Variants in ZNF568 observed in about 807,000 individuals in gnomAD.
ZNF568 encodes p53 inhibitor of SCO2 activation.
In ZNF568, 11 loss-of-function variants were observed where a neutral mutation model predicts 18.1. That is an observed-to-expected ratio of 0.61 (90% CI 0.38 to 1.00). The LOEUF is 1.00. Among genes scored for constraint, ZNF568 ranks in the 50% least tolerant of loss-of-function variants. The probability of loss-of-function intolerance (pLI) is 0.01; values close to 1 mark genes in which losing one functional copy is unlikely to be tolerated. For missense variants in ZNF568, 639 were observed against 768.2 expected, an observed-to-expected ratio of 0.83 and a Z score of 1.99; for synonymous variants, 213 against 246.6, an observed-to-expected ratio of 0.86 and a Z score of 1.28.
At position 36,995,392 on chromosome 19, in the gene ZNF568, G is replaced by C. The variant is rs541812479; in HGVS notation, c.230-925G>C. On this transcript the variant is annotated intron_variant, in intron 4 of 4. Coordinates refer to the ZNF568 transcript ENST00000433993. ...CCAGCCTGGGTGCCAGAGTGAGACTGTGTCTCAAAAACAAACAAACAAGCA... is the reference window on the plus strand; with the variant it reads ...CCAGCCTGGGTGCCAGAGTGAGACTCTGTCTCAAAAACAAACAAACAAGCA... Among the ~76,000 whole-genome samples, 3 of 152,236 alleles carry C rather than the reference G, an allele frequency of 2.0e-5. No homozygotes were observed. The East Asian group carries it at 5.8e-4, about 29-fold the overall frequency.
intron 6 of ZNF568, among the ~76,000 whole-genome samples, chr19:36,945,896 A>G (rs929351432): frequency 3.3e-5 from 5 of 151,908 alleles, no homozygotes; most frequent in Non-Finnish European, 5.9e-5. Context: ...GATAAAGACC[A>G]TCCTGGCCAA....
intron 6 of ZNF568, among the ~76,000 whole-genome samples, chr19:36,960,338 G>A (rs186149592): frequency 6.6e-6 from 1 of 151,520 alleles, no homozygotes; most frequent in South Asian, 2.1e-4. Flanking sequence ...GGCTGGTCTC[G>A]AACTCCTGAC....
rs2074066280 is a variant in ZNF568, at chr19:36,951,936, A to C, written c.*848A>C. The C allele has an allele frequency of 1.0e-6, 1 of 984,516 alleles. No homozygotes were observed. Among genetic ancestry groups the C allele is most frequent in the Non-Finnish European group, 1.2e-6 (1 of 829,776 alleles). The allele number at this position is 984,516 out of a possible 1,614,324, so 61.0% of individuals were successfully genotyped here. On this transcript the variant is annotated 3_prime_UTR_variant, in exon 7 of 7. Transcript: ENST00000333987. ...TTGAGCCACTGCACCTGGCCAAAAA[A>C]TTAACATTCTAAAGGATTTAAATAC...
chr19:36,942,516 G>A (rs1318515348), intron 6 of ZNF568, among the ~76,000 whole-genome samples: 2 of 147,704 alleles, frequency 1.4e-5, no homozygotes, highest in Admixed American at 6.8e-5. Flanking sequence ...GGAGAATGGC[G>A]TGAACCCAGG....
intron 5 of ZNF568, 48 bp from the exon 6 acceptor site, chr19:36,937,099 G>T (rs1186291250): frequency 6.3e-6 from 10 of 1,577,702 alleles, no homozygotes; most frequent in Non-Finnish European, 6.9e-6. Context: ...GATCTGAATG[G>T]TTGTCTCCAG....
intron 6 of ZNF568, among the ~76,000 whole-genome samples, chr19:36,968,056 T>A (rs954022728): frequency 6.6e-6 from 1 of 152,164 alleles, no homozygotes; most frequent in Non-Finnish European, 1.5e-5. Context: ...CCATAAAATA[T>A]CTAAGATGTC....
At chr19:36,918,092 ACGCGCCACCACGC>A (rs1261249456) in intron 2 of ZNF568, among the ~76,000 whole-genome samples, 2 of 152,076 alleles carry the variant, frequency 1.3e-5, no homozygotes, top group East Asian at 3.9e-4. Context: ...GGGACTACAG[ACGCGCCACCACGC>A]CCGGCTGATT....
At chr19:36,996,226 ACT>A (rs2074469880) in intron 4 of ZNF568, 5 of 1,032,336 alleles carry the variant, frequency 4.8e-6, no homozygotes, top group Non-Finnish European at 6.8e-6. Context: ...TTGCTTATTA[ACT>A]ATTTTTATTT....
At chr19:36,923,851 T>A (rs1398583037) in intron 3 of ZNF568, among the ~76,000 whole-genome samples, 1 of 152,026 alleles carries the variant, frequency 6.6e-6, no homozygotes, top group Non-Finnish European at 1.5e-5. Flanking sequence ...TTCCCCACCC[T>A]CCTCCCACCT....
downstream of ZNF568, among the ~76,000 whole-genome samples, chr19:36,955,084 G>A (rs1321006351): frequency 1.3e-5 from 2 of 151,912 alleles, no homozygotes; most frequent in African/African-American, 4.8e-5. Context: ...TCACTACGTA[G>A]GTCAAGCTGG....
intron 6 of ZNF568, among the ~76,000 whole-genome samples, chr19:36,961,880 G>GTTT (rs11403152): frequency 3.4e-4 from 46 of 135,048 alleles, no homozygotes; most frequent in East Asian, 1.1e-3. Flanking sequence ...TGGTTAGGGT[G>GTTT]TTTTTTTTTT....
Position 36,991,617 on chromosome 19 carries a change from G to A in ZNF568, c.134-134G>A, listed in dbSNP as rs1011208884. 3.3e-5 allele frequency: 23 copies of A among 702,022 alleles called. No individual in the cohort carries two copies. In the African/African-American group the frequency reaches 3.9e-4, roughly 12 times the overall value. The allele number at this position is 702,022 out of a possible 1,614,324, so 43.5% of individuals were successfully genotyped here. On this transcript the variant is annotated intron_variant, in intron 3 of 4. Transcript: ENST00000433993. The stretch of plus-strand genomic sequence containing the variant: ...ATTAGACAAGAAAGGAATTAATGTT[G>A]ATTTATTGTGGTGCTCTGACCCTCA...
chr19:36,949,215 C>G lies in ZNF568; in HGVS notation c.359-297C>G, dbSNP rs553344093. On this transcript the variant is annotated intron_variant, in intron 6 of 6. Coordinates refer to ENST00000333987, the MANE Select transcript of ZNF568 (RefSeq NM_198539.4). ...CCCTATCAGTCATTTTTGTGTTCAC[C>G]CTTTCATTTTAATTATTCTATTCAT... is the stretch of plus-strand genomic sequence containing the variant. Among the ~76,000 whole-genome samples the G allele has an allele frequency of 2.6e-5, 4 of 152,112 alleles. No individual in the cohort carries two copies. The East Asian group carries it at 5.8e-4, about 22-fold the overall frequency.
intron 6 of ZNF568, among the ~76,000 whole-genome samples, chr19:36,964,684 C>A (rs2074181192): frequency 6.6e-6 from 1 of 152,118 alleles, no homozygotes. Flanking sequence ...GACGGTGTGA[C>A]ACACACTTGT....
In ZNF568 at chr19:36,984,993, C is replaced by T. The variant is rs192748648; in HGVS notation, c.10-6183C>T. Reference sequence around the variant, plus strand: ...CCAATTCTGAAAATTTCTTAGCTGTCCTGTCTTCCAATACTGCCATTTTCT... The same window carrying T: ...CCAATTCTGAAAATTTCTTAGCTGTTCTGTCTTCCAATACTGCCATTTTCT... On this transcript the variant is annotated intron_variant, in intron 2 of 4. Transcript: ENST00000433993. 2.2e-4 allele frequency among the ~76,000 whole-genome samples: 33 copies of T among 152,196 alleles called. No homozygotes were observed. The East Asian group carries it at 6.2e-3, about 28-fold the overall frequency.
At chr19:36,928,274 A>T (rs1431346471) in intron 4 of ZNF568, among the ~76,000 whole-genome samples, 1 of 152,096 alleles carries the variant, frequency 6.6e-6, no homozygotes, top group African/African-American at 2.4e-5. Context: ...ATCTATTAAT[A>T]TAAATTATTA....
At chr19:36,942,479 G>T (rs2073897374) in intron 6 of ZNF568, among the ~76,000 whole-genome samples, 1 of 150,864 alleles carries the variant, frequency 6.6e-6, no homozygotes, top group South Asian at 2.1e-4. Context: ...GGTGCCTGTA[G>T]TCCCAGCTAC....
intron 4 of ZNF568, among the ~76,000 whole-genome samples, chr19:36,930,967 T>C (rs1373699754): frequency 6.6e-6 from 1 of 152,188 alleles, no homozygotes; most frequent in African/African-American, 2.4e-5. Flanking sequence ...CAGTCACATG[T>C]CTGTTCAGCC....
intron 4 of ZNF568, among the ~76,000 whole-genome samples, chr19:36,927,884 ATATTATATATATATATATATTTTTTTTTT>A (rs2073594633): frequency 1.9e-4 from 10 of 52,970 alleles, no homozygotes; most frequent in African/African-American, 9.6e-4. Context: ...ATATATATAT[ATATTATATATATATATATATTTTTTTTTT>A]TTTTTTTTTT....
Sources: allele counts gnomAD v4.1 joint callset (sites outside exome capture counted in the v4.1 genomes callset), GRCh38; gene constraint gnomAD v4.1.1; transcripts MANE v1.5; gene names NCBI Gene and HGNC (gene_info 2026-07-23, HGNC 2026-07-21).